Variants in BBS9 observed in about 807,000 individuals in gnomAD.
BBS9 encodes Bardet-Biedl syndrome 9.
BBS9 carries 89 observed loss-of-function variants against 117.7 expected under a neutral mutation model. The ratio of observed to expected loss-of-function variants is 0.76; its 90% CI spans 0.64 to 0.90. The LOEUF is 0.90. Among genes scored for constraint, BBS9 ranks in the 40% least tolerant of loss-of-function variants. The pLI is 0.00. For missense variants in BBS9, 982 were observed against 1,042.2 expected, an observed-to-expected ratio of 0.94 and a Z score of 0.80; for synonymous variants, 379 against 370.9, an observed-to-expected ratio of 1.02 and a Z score of -0.25.
intron 20 of BBS9, among the ~76,000 whole-genome samples, chr7:33,524,733 T>A (rs1849205831): frequency 6.6e-6 from 1 of 152,214 alleles, no homozygotes; most frequent in Non-Finnish European, 1.5e-5. Context: ...GAAGGGTTTT[T>A]GTGTCTCTAT....
intron 21 of BBS9, among the ~76,000 whole-genome samples, chr7:33,542,773 GTATA>G (rs112830674): frequency 3.0e-5 from 4 of 133,630 alleles, no homozygotes; most frequent in Admixed American, 3.0e-4. Context: ...GTATATGTGA[GTATA>G]TATATATATA....
At chr7:33,194,472 A>G (rs1034699673) in intron 5 of BBS9, among the ~76,000 whole-genome samples, 1 of 149,498 alleles carries the variant, frequency 6.7e-6, no homozygotes, top group Non-Finnish European at 1.5e-5. Context: ...GCTATTTTCT[A>G]TAATTTACTT....
intron 9 of BBS9, among the ~76,000 whole-genome samples, chr7:33,315,627 G>A (rs4442031): frequency 0.91 from 139,095 of 152,130 alleles, 63,938 homozygotes; most frequent in African/African-American, 0.94. Flanking sequence ...AGGATGAAGG[G>A]GAGGGTTAAA....
At chr7:33,414,132 A>G (rs992948722) in intron 19 of BBS9, among the ~76,000 whole-genome samples, 1 of 152,230 alleles carries the variant, frequency 6.6e-6, no homozygotes, top group Non-Finnish European at 1.5e-5. Context: ...CAGCCAGCAC[A>G]TGAGTGCTCC....
At chr7:33,341,719 G>T (rs920575976) in intron 11 of BBS9, among the ~76,000 whole-genome samples, 1 of 151,994 alleles carries the variant, frequency 6.6e-6, no homozygotes, top group Admixed American at 6.6e-5. Context: ...TATCCTTAGT[G>T]CTTGCCAAAT....
intron 21 of BBS9, among the ~76,000 whole-genome samples, chr7:33,633,645 G>A (rs371603156): frequency 1.3e-5 from 2 of 151,528 alleles, no homozygotes; most frequent in East Asian, 3.9e-4. Context: ...GGCTTCCCAC[G>A]ATCTCTGGAA....
intron 19 of BBS9, among the ~76,000 whole-genome samples, chr7:33,449,875 GAC>G (rs1379860011): frequency 2.0e-5 from 3 of 151,962 alleles, no homozygotes; most frequent in Non-Finnish European, 2.9e-5. Context: ...TATTAAAAAA[GAC>G]ACACACGACA....
chr7:33,408,029 T>G (rs1421462909), intron 19 of BBS9, among the ~76,000 whole-genome samples: 1 of 152,244 alleles, frequency 6.6e-6, no homozygotes, highest in African/African-American at 2.4e-5. Context: ...GTCTGTGCCC[T>G]GCCCCCAGAG....
rs5883400 is a variant in BBS9 at position 33,389,687 on chromosome 7, TAAAAA to T, written c.2115+1567_2115+1571del. Among the ~76,000 whole-genome samples, 72 of 91,960 alleles carry T rather than the reference TAAAAA, an allele frequency of 7.8e-4. 1 individual carries two copies. Among genetic ancestry groups the T allele is most frequent in the African/African-American group, 1.4e-3 (31 of 22,030 alleles). The allele number at this position is 91,960 out of a possible 152,430, so 60.3% of individuals were successfully genotyped here. A position where few individuals can be genotyped will look rare whatever the true frequency, so the allele number is the denominator to read the frequency against. ...CTGGGTGACAGAGCAAGACTCCATCTAAAAAAAAAAAAAAAAAAAAAAAAAAAATT... is the reference window on the plus strand; with the variant it reads ...CTGGGTGACAGAGCAAGACTCCATCTAAAAAAAAAAAAAAAAAAAAAAATT... On this transcript the variant is annotated intron_variant, in intron 19 of 22. Coordinates refer to ENST00000242067, the MANE Select transcript of BBS9 (RefSeq NM_198428.3).
chr7:33,393,156 A>G (rs948891258), intron 19 of BBS9, among the ~76,000 whole-genome samples: 12 of 152,238 alleles, frequency 7.9e-5, no homozygotes, highest in African/African-American at 2.9e-4. Flanking sequence ...ACAGTGTGAG[A>G]CCCTGTCTCA....
intron 9 of BBS9, among the ~76,000 whole-genome samples, chr7:33,324,273 C>G (rs1584324184): frequency 6.6e-6 from 1 of 152,010 alleles, no homozygotes; most frequent in African/African-American, 2.4e-5. Context: ...TCTTACAACC[C>G]ATTATTTTAA....
chr7:33,475,486 C>G lies in BBS9; in HGVS notation c.2116-29977C>G, dbSNP rs12671882. On this transcript the variant is annotated intron_variant, in intron 19 of 22. Coordinates refer to ENST00000242067, the MANE Select transcript of BBS9 (RefSeq NM_198428.3). ...GCTGAGGCTGTGAATTCAAGAACCT[C>G]ACTTAAATATATTTCTCTATTGTGG... is the stretch of plus-strand genomic sequence containing the variant. Among the ~76,000 whole-genome samples, 2,822 of 152,188 alleles carry G rather than the reference C, an allele frequency of 0.019. 217 individuals are homozygous for G. The East Asian group carries it at 0.27, about 15-fold the overall frequency.
chr7:33,274,027 A>C, intron 9 of BBS9, 71 bp downstream of exon 9: 1 of 1,520,430 alleles, frequency 6.6e-7, no homozygotes, highest in Non-Finnish European at 9.1e-7. Context: ...GTTCTATGAA[A>C]TAATGACAAG....
chr7:33,533,182 C>G (rs1286112433), intron 20 of BBS9, among the ~76,000 whole-genome samples: 2 of 152,180 alleles, frequency 1.3e-5, no homozygotes, highest in Admixed American at 6.5e-5. Flanking sequence ...CTCCCCATGC[C>G]AGTCCTGCTG....
At chr7:33,294,283 T>TATC (rs1804708549) in intron 9 of BBS9, among the ~76,000 whole-genome samples, 1 of 150,662 alleles carries the variant, frequency 6.6e-6, no homozygotes, top group Non-Finnish European at 1.5e-5. Context: ...TACTTCCATC[T>TATC]ATCTATCATC....
intron 10 of BBS9, among the ~76,000 whole-genome samples, chr7:33,337,109 G>A (rs994188303): frequency 6.6e-6 from 1 of 152,110 alleles, no homozygotes; most frequent in African/African-American, 2.4e-5. Context: ...CCATCCAAAT[G>A]GTGTGTAGCT....
intron 19 of BBS9, among the ~76,000 whole-genome samples, chr7:33,397,298 A>T (rs1828147014): frequency 1.3e-5 from 2 of 152,200 alleles, no homozygotes; most frequent in African/African-American, 4.8e-5. Flanking sequence ...CAGAATGGGT[A>T]TAATTAAAGC....
intron 5 of BBS9, among the ~76,000 whole-genome samples, chr7:33,245,388 T>C (rs1304430760): frequency 6.6e-6 from 1 of 152,168 alleles, no homozygotes; most frequent in African/African-American, 2.4e-5. Flanking sequence ...GTCTTTTGAC[T>C]TAGTTCTAAC....
chr7:33,384,412 T>C (rs922144727), intron 18 of BBS9, among the ~76,000 whole-genome samples: 1 of 152,236 alleles, frequency 6.6e-6, no homozygotes, highest in Non-Finnish European at 1.5e-5. Flanking sequence ...CTTCAGAGCC[T>C]ATGTTAGATT....
Sources: gnomAD v4.1 joint callset for allele counts (sites outside exome capture counted in the v4.1 genomes callset) on GRCh38, gnomAD v4.1.1 for gene constraint, MANE v1.5 for transcripts, NCBI Gene and HGNC (gene_info 2026-07-23, HGNC 2026-07-21) for gene names.